Variants in ZNF90 observed in about 807,000 individuals in gnomAD.
ZNF90 encodes the protein zinc finger protein 90, also known as zinc finger protein HTF9.
A neutral mutation model predicts 12.0 loss-of-function variants in ZNF90; 11 were observed. The ratio of observed to expected loss-of-function variants is 0.92; its 90% CI spans 0.58 to 1.52. The LOEUF is 1.52. ZNF90 is among the 40% of genes most tolerant of loss of function. The pLI, the probability that ZNF90 is intolerant of heterozygous loss-of-function variation, is 0.00. For synonymous variants in ZNF90, 232 were observed against 240.1 expected, an observed-to-expected ratio of 0.97 and a Z score of 0.31; for missense variants, 765 against 711.5, an observed-to-expected ratio of 1.08 and a Z score of -0.86.
rs1555704699 is a variant in ZNF90, at chr19:20,108,731, C to CTCT, written c.226+3416_226+3417insCTT. Among the ~76,000 whole-genome samples the CTCT allele has an allele frequency of 2.3e-3, 281 of 119,942 alleles. 4 individuals carry two copies. Among genetic ancestry groups the CTCT allele is most frequent in the African/African-American group, 8.5e-3 (269 of 31,596 alleles). 78.7% of individuals were successfully genotyped at this position (119,942 alleles called of 152,430 possible). A position where few individuals can be genotyped will look rare whatever the true frequency, so the allele number is the denominator to read the frequency against. ...GTGTGTTTCTTCAGTGTAGGTTTCT[C>CTCT]TTTTTTTTTTTTTTTTTTGAGATGG... On this transcript the variant is annotated intron_variant, in intron 3 of 3. Transcript: ENST00000418063.
chr19:20,113,785 GC>G (rs1449752900), intron 3 of ZNF90, among the ~76,000 whole-genome samples: 2 of 151,974 alleles, frequency 1.3e-5, no homozygotes, highest in East Asian at 3.9e-4. Context: ...CGGAGATCGC[GC>G]CACTGCACTC....
Position 20,119,223 on chromosome 19 carries a change from A to G in ZNF90, c.1669A>G (p.Ile557Val). The G allele has an allele frequency of 1.2e-6, 2 of 1,613,880 alleles. No individual in the cohort carries two copies. The highest frequency in any genetic ancestry group is 1.7e-6 in the Non-Finnish European group (2 of 1,179,928). ...CTCCTCACAGCTTACTAGTCATAAG[A>G]TAAGTCATACTGGAGAGAAACCCTA... is the stretch of plus-strand genomic sequence containing the variant. ...KRSSQLTSHK[I>V]SHTGEKPYKC... The change falls in exon 4 of 4, where the codon ATA (isoleucine) becomes GTA (valine). Residue 557 changes from isoleucine to valine, a missense_variant. Ile to Val is a conservative substitution (Grantham distance 29). Coordinates refer to ENST00000418063, the MANE Select transcript of ZNF90 (RefSeq NM_007138.2).
intron 1 of ZNF90, among the ~76,000 whole-genome samples, chr19:20,090,705 G>C (rs1216733221): frequency 8.5e-5 from 13 of 152,194 alleles, no homozygotes; most frequent in African/African-American, 2.4e-4. Flanking sequence ...AGGACTGGAA[G>C]ATAGTCACCT....
At chr19:20,094,173 G>A (rs1270607005) in intron 1 of ZNF90, among the ~76,000 whole-genome samples, 1 of 152,222 alleles carries the variant, frequency 6.6e-6, no homozygotes, top group Non-Finnish European at 1.5e-5. Flanking sequence ...GGTGTGGCTG[G>A]GTTTTGTCTC....
chr19:20,116,851 A>G (rs2089140736), intron 3 of ZNF90, among the ~76,000 whole-genome samples: 1 of 152,028 alleles, frequency 6.6e-6, no homozygotes, highest in South Asian at 2.1e-4. Context: ...TAGACTCAGT[A>G]GACTCAAACT....
Position 20,104,343 on chromosome 19 carries a change from C to G in ZNF90, c.108C>G (p.Asn36Lys), listed in dbSNP as rs550626965. 1 of 1,613,864 alleles carries G rather than the reference C, an allele frequency of 6.2e-7. No homozygotes were observed. Among genetic ancestry groups the G allele is most frequent in the Admixed American group, 1.7e-5 (1 of 59,986 alleles). The change falls in exon 2 of 4, where the codon AAC (asparagine) becomes AAG (lysine). Residue 36 changes from asparagine to lysine, a missense_variant. Transcript: ENST00000418063. ...QNLYRDVMLE[N>K]YRHLVFLGIV... is the part of the protein sequence containing the mutation. The stretch of plus-strand genomic sequence containing the variant: ...TATATAGGGATGTGATGTTAGAGAA[C>G]TACAGACACCTGGTCTTCCTTGGTG...
intron 1 of ZNF90, among the ~76,000 whole-genome samples, chr19:20,097,223 C>T (rs781932873): frequency 2.0e-5 from 3 of 152,236 alleles, no homozygotes; most frequent in Middle Eastern, 3.4e-3. Context: ...GACATGTTTT[C>T]TTTATTGTTT....
intron 1 of ZNF90, among the ~76,000 whole-genome samples, chr19:20,086,021 C>A (rs1555701993): frequency 6.6e-6 from 1 of 152,054 alleles, no homozygotes; most frequent in African/African-American, 2.4e-5. Context: ...TACTAAATTT[C>A]TTTGTCAGAA....
chr19:20,112,039 A>G (rs984191456), intron 3 of ZNF90, among the ~76,000 whole-genome samples: 2 of 151,844 alleles, frequency 1.3e-5, no homozygotes, highest in Non-Finnish European at 2.9e-5. Flanking sequence ...TTGTATTTTT[A>G]GTAGAGAGAG....
intron 3 of ZNF90, among the ~76,000 whole-genome samples, chr19:20,108,193 A>C (rs2089056014): frequency 6.6e-6 from 1 of 152,196 alleles, no homozygotes; most frequent in South Asian, 2.1e-4. Context: ...TCTATTTATA[A>C]TTATGCTGCA....
Position 20,078,103 on chromosome 19 carries a change from C to G in ZNF90, c.-30C>G. The G allele has an allele frequency of 1.9e-6, 3 of 1,614,126 alleles. No individual in the cohort carries two copies. Among genetic ancestry groups the G allele is most frequent in the African/African-American group, 1.3e-5 (1 of 75,026 alleles). On this transcript the variant is annotated 5_prime_UTR_variant, in exon 1 of 4. Coordinates refer to ENST00000418063, the MANE Select transcript of ZNF90 (RefSeq NM_007138.2). ...TGTGACCTGCAGGTATTGGGAGATC[C>G]ACAGCTGAGGGACCCCCGGAAGCCT...
chr19:20,095,531 C>T lies in ZNF90; in HGVS notation c.4-8708C>T, dbSNP rs186675248. On this transcript the variant is annotated intron_variant, in intron 1 of 3. Transcript: ENST00000418063. ...CATAGAGACACGGAGGGAAGGGGTTCGGAGGTTCTTACCCTCCAGAAAAGC... is the reference window on the plus strand; with the variant it reads ...CATAGAGACACGGAGGGAAGGGGTTTGGAGGTTCTTACCCTCCAGAAAAGC... 2.9e-4 allele frequency among the ~76,000 whole-genome samples: 44 copies of T among 151,376 alleles called. No individual in the cohort carries two copies. The East Asian group carries it at 7.9e-3, about 27-fold the overall frequency.
intron 1 of ZNF90, among the ~76,000 whole-genome samples, chr19:20,099,107 T>C (rs2088970128): frequency 6.6e-6 from 1 of 152,218 alleles, no homozygotes. Context: ...TTTAGGCCAC[T>C]TTCTTTATGT....
chr19:20,096,152 G>A (rs2122494884), intron 1 of ZNF90, among the ~76,000 whole-genome samples: 1 of 152,284 alleles, frequency 6.6e-6, no homozygotes, highest in East Asian at 1.9e-4. Flanking sequence ...GGGATAGTGA[G>A]GGAGGTTGGA....
At chr19:20,092,134 G>A (rs1329915244) in intron 1 of ZNF90, among the ~76,000 whole-genome samples, 1 of 152,156 alleles carries the variant, frequency 6.6e-6, no homozygotes, top group African/African-American at 2.4e-5. Flanking sequence ...TTAAGTCCAG[G>A]CCAGGAACAA....
Position 20,120,578 on chromosome 19 carries a change from G to C in ZNF90, c.*1218G>C, listed in dbSNP as rs2089186775. Reference sequence around the variant, plus strand: ...AGAGTTGATACTAAAATATATGTTTGCAGAAACAGTAAATATAAAAAATAT... The same window carrying C: ...AGAGTTGATACTAAAATATATGTTTCCAGAAACAGTAAATATAAAAAATAT... On this transcript the variant is annotated 3_prime_UTR_variant, in exon 4 of 4. Transcript: ENST00000418063. Among the ~76,000 whole-genome samples, 1 of 152,074 alleles carries C rather than the reference G, an allele frequency of 6.6e-6. No individual in the cohort carries two copies. The highest frequency in any genetic ancestry group is 1.5e-5 in the Non-Finnish European group (1 of 68,008).
intron 3 of ZNF90, among the ~76,000 whole-genome samples, chr19:20,110,916 A>G (rs1377647504): frequency 1.3e-5 from 2 of 152,138 alleles, no homozygotes; most frequent in African/African-American, 4.8e-5. Context: ...TATATTTTGA[A>G]TATTAACTTC....
At chr19:20,081,918 C>G (rs182837900) in intron 1 of ZNF90, among the ~76,000 whole-genome samples, 1 of 152,048 alleles carries the variant, frequency 6.6e-6, no homozygotes, top group Non-Finnish European at 1.5e-5. Flanking sequence ...GCACGTGCCA[C>G]TACCCCCGGC....
At chr19:20,080,304 G>T in intron 1 of ZNF90, 1 of 544,820 alleles carries the variant, frequency 1.8e-6, no homozygotes, top group South Asian at 1.5e-5. Context: ...AGACAACATG[G>T]ACGATCCTTG....
Sources: gnomAD v4.1 joint callset for allele counts (sites outside exome capture counted in the v4.1 genomes callset) on GRCh38, gnomAD v4.1.1 for gene constraint, MANE v1.5 for transcripts, NCBI Gene and HGNC (gene_info 2026-07-23, HGNC 2026-07-21) for gene names.